Variants in KSR2 observed in about 807,000 individuals in gnomAD.
The protein encoded by KSR2 is kinase suppressor of ras 2.
A neutral mutation model predicts 107.8 loss-of-function variants in KSR2; 25 were observed. That is an observed-to-expected ratio of 0.23 (90% CI 0.17 to 0.32). The LOEUF is 0.32. Among genes scored for constraint, KSR2 ranks in the 10% least tolerant of loss-of-function variants. KSR2 has a pLI of 1.00. For synonymous variants in KSR2, 480 were observed against 507.0 expected, an observed-to-expected ratio of 0.95 and a Z score of 0.71; for missense variants, 887 against 1,268.9, an observed-to-expected ratio of 0.70 and a Z score of 4.57.
intron 4 of KSR2, among the ~76,000 whole-genome samples, chr12:117,740,562 AATAT>A (rs1172235249): frequency 4.6e-5 from 4 of 87,432 alleles, no homozygotes; most frequent in Non-Finnish European, 1.1e-4. Flanking sequence ...ATAATATATG[AATAT>A]ATAACATATA....
At chr12:117,936,530 T>TAGTAG (rs1566089629) in intron 1 of KSR2, among the ~76,000 whole-genome samples, 2,355 of 115,172 alleles carry the variant, frequency 0.02, 30 homozygotes, top group Admixed American at 0.034. Flanking sequence ...ATTATTATTA[T>TAGTAG]TATTAGTAGT....
chr12:117,597,679 T>G (rs1033014644), intron 5 of KSR2, among the ~76,000 whole-genome samples: 1 of 152,212 alleles, frequency 6.6e-6, no homozygotes, highest in African/African-American at 2.4e-5. Flanking sequence ...TGTGTTGCTT[T>G]CAGCCACTGA....
At chr12:117,669,782 C>T (rs139008697) in intron 4 of KSR2, among the ~76,000 whole-genome samples, 218 of 152,106 alleles carry the variant, frequency 1.4e-3, no homozygotes, top group African/African-American at 5.1e-3. Context: ...GTGGGAGGAT[C>T]ACTAGAGACC....
intron 3 of KSR2, among the ~76,000 whole-genome samples, chr12:117,845,074 A>G (rs1199002683): frequency 4.6e-5 from 7 of 152,136 alleles, no homozygotes; most frequent in African/African-American, 1.7e-4. Flanking sequence ...TGAACCCGGG[A>G]GGCGGAGCGT....
At chr12:117,690,830 G>T (rs1885782349) in intron 4 of KSR2, among the ~76,000 whole-genome samples, 1 of 152,278 alleles carries the variant, frequency 6.6e-6, no homozygotes, top group South Asian at 2.1e-4. Flanking sequence ...CTCACACTGT[G>T]GTACTTCAGT....
chr12:117,866,289 G>A (rs1232789768), intron 1 of KSR2, among the ~76,000 whole-genome samples: 2 of 152,058 alleles, frequency 1.3e-5, no homozygotes, highest in African/African-American at 4.8e-5. Flanking sequence ...CTGGACTCAA[G>A]CACTCCTCCT....
chr12:117,952,180 C>CACACAT (rs745900008), intron 1 of KSR2, among the ~76,000 whole-genome samples: 10 of 151,678 alleles, frequency 6.6e-5, no homozygotes, highest in Non-Finnish European at 1.5e-4. Context: ...CACACACACA[C>CACACAT]ACACATACAC....
intron 3 of KSR2, among the ~76,000 whole-genome samples, chr12:117,799,018 G>C (rs9804853): frequency 0.017 from 2,518 of 152,268 alleles, 57 homozygotes; most frequent in African/African-American, 0.052. Flanking sequence ...CCCCTTATCT[G>C]AAATATCTGG....
intron 5 of KSR2, among the ~76,000 whole-genome samples, chr12:117,603,036 G>A (rs1014693712): frequency 1.3e-5 from 2 of 152,164 alleles, no homozygotes; most frequent in Non-Finnish European, 2.9e-5. Flanking sequence ...TGGCCATTAT[G>A]TGGCCTCTTT....
At chr12:117,721,016 A>G (rs981898352) in intron 4 of KSR2, among the ~76,000 whole-genome samples, 1 of 152,190 alleles carries the variant, frequency 6.6e-6, no homozygotes, top group African/African-American at 2.4e-5. Context: ...TCAGACCTGT[A>G]ATTTGTAAGG....
intron 3 of KSR2, among the ~76,000 whole-genome samples, chr12:117,780,143 G>A (rs1349365944): frequency 6.6e-6 from 1 of 152,118 alleles, no homozygotes; most frequent in Non-Finnish European, 1.5e-5. Flanking sequence ...AAAATATATT[G>A]TAAAAATTAA....
intron 14 of KSR2, among the ~76,000 whole-genome samples, chr12:117,500,252 T>C (rs1048645114): frequency 6.6e-6 from 1 of 152,164 alleles, no homozygotes; most frequent in African/African-American, 2.4e-5. Context: ...AGAAGGGGGA[T>C]GGAATTTCCC....
At chr12:117,512,584 C>T (rs958409817) in intron 14 of KSR2, among the ~76,000 whole-genome samples, 2 of 152,140 alleles carry the variant, frequency 1.3e-5, no homozygotes, top group African/African-American at 4.8e-5. Flanking sequence ...TTCTGATGCA[C>T]GTTTCAGTGT....
chr12:117,667,506 G>T lies in KSR2; in HGVS notation c.1139C>A (p.Pro380His). 1.2e-6 allele frequency: 2 copies of T among 1,612,268 alleles called. No individual in the cohort carries two copies. Among genetic ancestry groups the T allele is most frequent in the East Asian group, 4.5e-5 (2 of 44,818 alleles). The change falls in exon 5 of 20, where the codon CCT (proline) becomes CAT (histidine). Residue 380 changes from proline (P) to histidine (H), a missense_variant. Physicochemically the swap from Pro to His is moderately conservative, Grantham distance 77 (BLOSUM62 -2). This residue lies in a region of KSR2 where 399 missense variants were observed against 479.5 expected (regional missense o/e 0.83). Coordinates refer to ENST00000339824, the MANE Select transcript of KSR2 (RefSeq NM_173598.6). ...VGHAPFLPST[P>H]PVHTEANFSA... Reference sequence around the variant, plus strand: ...GAAGTTGGCCTCAGTGTGAACAGGAGGGGTGGAAGGCAGGAAAGGTGCGTG... The same window carrying T: ...GAAGTTGGCCTCAGTGTGAACAGGATGGGTGGAAGGCAGGAAAGGTGCGTG...
At chr12:117,793,482 C>T (rs540229398) in intron 3 of KSR2, among the ~76,000 whole-genome samples, 5 of 148,916 alleles carry the variant, frequency 3.4e-5, no homozygotes, top group South Asian at 2.2e-4. Context: ...CATGCACACT[C>T]ACATCAACAT....
At chr12:117,470,945 CCA>C (rs1389779454) in intron 18 of KSR2, among the ~76,000 whole-genome samples, 2 of 152,108 alleles carry the variant, frequency 1.3e-5, no homozygotes, top group Non-Finnish European at 2.9e-5. Flanking sequence ...ACTCAGCAAC[CCA>C]CAGTTAGGAA....
intron 5 of KSR2, among the ~76,000 whole-genome samples, chr12:117,600,480 C>A (rs60824963): frequency 1.3e-5 from 2 of 152,122 alleles, no homozygotes; most frequent in Admixed American, 6.5e-5. Flanking sequence ...CTTTACCTGG[C>A]GTTCCTATTC....
At chr12:117,918,572 T>C (rs557871602) in intron 1 of KSR2, among the ~76,000 whole-genome samples, 1 of 152,074 alleles carries the variant, frequency 6.6e-6, no homozygotes, top group Non-Finnish European at 1.5e-5. Context: ...GCAGATCACC[T>C]GAGGTCGGGA....
At position 117,968,304 on chromosome 12, in the gene KSR2, A is replaced by T; in HGVS notation, c.-49T>A. On this transcript the variant is annotated 5_prime_UTR_variant, in exon 1 of 20. Transcript: ENST00000339824. ...CCTCCTCCTCCTCCCAGAGAGAAAA[A>T]AGAGGGGGGGGAGTAGAGGTAGTCT... is the stretch of plus-strand genomic sequence containing the variant. 2.9e-6 allele frequency: 2 copies of T among 680,630 alleles called. No homozygotes were observed. Among genetic ancestry groups the T allele is most frequent in the Non-Finnish European group, 3.8e-6 (2 of 526,554 alleles). The allele number at this position is 680,630 out of a possible 1,614,324, so 42.2% of individuals were successfully genotyped here.
Sources: allele counts gnomAD v4.1 joint callset (sites outside exome capture counted in the v4.1 genomes callset), GRCh38; gene constraint gnomAD v4.1.1; regional missense constraint gnomAD v4.1.1; transcripts MANE v1.5; gene names NCBI Gene and HGNC (gene_info 2026-07-23, HGNC 2026-07-21).